The following KITLG variants were observed in gnomAD, a reference collection of about 807,000 sequenced individuals.
KITLG encodes c-Kit ligand.
KITLG carries 13 observed loss-of-function variants against 34.1 expected under a neutral mutation model. That is an observed-to-expected ratio of 0.38 (90% CI 0.25 to 0.61). The LOEUF (loss-of-function observed/expected upper bound fraction) is 0.61. Among genes scored for constraint, KITLG ranks in the 20% least tolerant of loss-of-function variants. KITLG has a pLI of 0.60. For missense variants in KITLG, 292 were observed against 318.9 expected (o/e 0.92, Z 0.64); for synonymous variants, 110 against 104.0 (o/e 1.06, Z -0.35).
intron 4 of KITLG, among the ~76,000 whole-genome samples, chr12:88,517,908 A>C (rs963559532): frequency 3.3e-5 from 5 of 152,168 alleles, no homozygotes; most frequent in African/African-American, 1.2e-4. Context: ...TTAAACTTAC[A>C]TAAGTCTCCT....
chr12:88,553,316 G>A (rs780744757), intron 1 of KITLG, among the ~76,000 whole-genome samples: 1 of 152,150 alleles, frequency 6.6e-6, no homozygotes, highest in Non-Finnish European at 1.5e-5. Flanking sequence ...GGAATAGGGT[G>A]CCTAAATATG....
intron 1 of KITLG, among the ~76,000 whole-genome samples, chr12:88,576,505 A>ATTAT (rs1323899228): frequency 1.3e-5 from 2 of 152,204 alleles, no homozygotes; most frequent in East Asian, 3.9e-4. Flanking sequence ...GCTGGTATAA[A>ATTAT]GACACATATA....
At position 88,496,691 on chromosome 12, in the gene KITLG, C is replaced by A. The variant is rs930054909; in HGVS notation, c.*528G>T. The A allele has an allele frequency of 1.3e-5, 2 of 152,658 alleles. No homozygotes were observed. Among genetic ancestry groups the A allele is most frequent in the African/African-American group, 4.8e-5 (2 of 41,460 alleles). 9.5% of individuals were successfully genotyped at this position (152,658 alleles called of 1,614,324 possible). ...TTGCCAAATCCAATCACAGTTCCCA[C>A]TGCTTTCTACACTGTACAGTGGCTG... On this transcript the variant is annotated 3_prime_UTR_variant, in exon 10 of 10. Coordinates refer to ENST00000644744, the MANE Select transcript of KITLG (RefSeq NM_000899.5).
At chr12:88,543,565 C>T (rs1870598182) in intron 2 of KITLG, among the ~76,000 whole-genome samples, 1 of 151,948 alleles carries the variant, frequency 6.6e-6, no homozygotes, top group African/African-American at 2.4e-5. Context: ...AATAGAGGTA[C>T]CCATAATTTT....
chr12:88,506,066 G>A (rs947423522), intron 8 of KITLG, among the ~76,000 whole-genome samples: 10 of 152,160 alleles, frequency 6.6e-5, no homozygotes, highest in Non-Finnish European at 1.0e-4. Context: ...AGAAAGCAGA[G>A]GTAACCCCTT....
Position 88,545,714 on chromosome 12 carries a change from T to C in KITLG, c.129+38A>G, listed in dbSNP as rs150719576. ...CAAGCACAGGAAAAAGAGCCACAGC[T>C]CTTTTTTACACAGCACGGTAAAGCA... On this transcript the variant is annotated intron_variant, in intron 2 of 9. Transcript: ENST00000644744. The C allele has an allele frequency of 9.9e-4, 1,149 of 1,163,306 alleles. 12 individuals are homozygous for C. In the African/African-American group the frequency reaches 0.016, roughly 17 times the overall value. 72.1% of individuals were successfully genotyped at this position (1,163,306 alleles called of 1,614,324 possible).
intron 1 of KITLG, among the ~76,000 whole-genome samples, chr12:88,555,225 G>T (rs750502158): frequency 6.6e-6 from 1 of 152,086 alleles, no homozygotes; most frequent in African/African-American, 2.4e-5. Context: ...ATCAGTCCTC[G>T]TTCTACATGT....
At chr12:88,574,720 A>G (rs1871773275) in intron 1 of KITLG, among the ~76,000 whole-genome samples, 1 of 152,168 alleles carries the variant, frequency 6.6e-6, no homozygotes, top group African/African-American at 2.4e-5. Flanking sequence ...ACGTACTGGA[A>G]GTTAAAGGGA....
At chr12:88,571,874 T>G (rs1330395722) in intron 1 of KITLG, among the ~76,000 whole-genome samples, 1 of 152,138 alleles carries the variant, frequency 6.6e-6, no homozygotes, top group East Asian at 1.9e-4. Context: ...CTGAGTCTCT[T>G]TTGCAATAAA....
chr12:88,557,737 G>A (rs1566033628), intron 1 of KITLG, among the ~76,000 whole-genome samples: 1 of 152,084 alleles, frequency 6.6e-6, no homozygotes, highest in Non-Finnish European at 1.5e-5. Flanking sequence ...ACCGGCCAAA[G>A]TATGGAAACA....
At chr12:88,563,582 T>C (rs749235530) in intron 1 of KITLG, among the ~76,000 whole-genome samples, 2 of 152,216 alleles carry the variant, frequency 1.3e-5, no homozygotes, top group Non-Finnish European at 2.9e-5. Context: ...TTTATTCCAA[T>C]TGTTTATCGT....
At chr12:88,543,114 T>G (rs1870580774) in intron 2 of KITLG, among the ~76,000 whole-genome samples, 1 of 151,950 alleles carries the variant, frequency 6.6e-6, no homozygotes, top group Admixed American at 6.6e-5. Context: ...CCTGTAATTT[T>G]TATTATTATT....
chr12:88,566,887 A>G (rs1871459514), intron 1 of KITLG, among the ~76,000 whole-genome samples: 1 of 152,172 alleles, frequency 6.6e-6, no homozygotes, highest in Non-Finnish European at 1.5e-5. Context: ...AATAAAATGG[A>G]CATCCTGAAA....
chr12:88,530,057 A>G (rs557817931), intron 3 of KITLG, among the ~76,000 whole-genome samples: 7 of 152,348 alleles, frequency 4.6e-5, no homozygotes, highest in Non-Finnish European at 8.8e-5. Context: ...TTCTATGATT[A>G]TACCAGCACA....
chr12:88,501,712 T>G (rs773114286), intron 9 of KITLG, among the ~76,000 whole-genome samples: 8 of 152,214 alleles, frequency 5.3e-5, no homozygotes, highest in Non-Finnish European at 8.8e-5. Flanking sequence ...CTTTTCCTAC[T>G]TTTCCCTCAG....
intron 6 of KITLG, among the ~76,000 whole-genome samples, chr12:88,515,246 T>C (rs187754279): frequency 6.6e-6 from 1 of 151,874 alleles, no homozygotes; most frequent in African/African-American, 2.4e-5. Flanking sequence ...ACAGAATATA[T>C]GTTAATGATT....
chr12:88,519,775 TA>T (rs1869591006), intron 3 of KITLG, among the ~76,000 whole-genome samples: 2 of 152,206 alleles, frequency 1.3e-5, no homozygotes, highest in South Asian at 4.1e-4. Flanking sequence ...AGGCGCATGC[TA>T]CCAAGTGTGG....
At chr12:88,547,648 C>A (rs933356868) in intron 1 of KITLG, among the ~76,000 whole-genome samples, 2 of 152,148 alleles carry the variant, frequency 1.3e-5, no homozygotes, top group African/African-American at 4.8e-5. Flanking sequence ...AAATATATTT[C>A]TCTAAACCCC....
At chr12:88,506,992 T>C (rs746916587) in intron 7 of KITLG, 36 bp downstream of exon 7, 3 of 1,058,196 alleles carry the variant, frequency 2.8e-6, no homozygotes, top group East Asian at 2.4e-5. Flanking sequence ...TATGTAAACA[T>C]AGCATATTTT....
Sources: allele counts gnomAD v4.1 joint callset (sites outside exome capture counted in the v4.1 genomes callset), GRCh38; gene constraint gnomAD v4.1.1; transcripts MANE v1.5; gene names NCBI Gene and HGNC (gene_info 2026-07-23, HGNC 2026-07-21).